ABCA7: variants seen among roughly 807,000 people sequenced by gnomAD.
ABCA7 encodes ATP binding cassette subfamily A member 7.
In ABCA7, 261 loss-of-function variants were observed where a neutral mutation model predicts 227.6. The ratio of observed to expected loss-of-function variants is 1.15; its 90% CI spans 1.04 to 1.27. The LOEUF (loss-of-function observed/expected upper bound fraction) is 1.27. ABCA7 is among the 50% of genes most tolerant of loss of function. The pLI is 0.00. For synonymous variants in ABCA7, 1,488 were observed against 1,279.7 expected (o/e 1.16, Z -3.47); for missense variants, 3,331 against 2,924.5 (o/e 1.14, Z -3.21).
intron 44 of ABCA7, 31 bp downstream of exon 44, chr19:1,063,894 G>A (rs1285326774): frequency 1.3e-6 from 2 of 1,504,252 alleles, no homozygotes; most frequent in Non-Finnish European, 1.8e-6. Flanking sequence ...CTGGGCTGTG[G>A]TTAAGGTGAT....
At chr19:1,055,486 ACCTT>A in intron 30 of ABCA7, 135 bp downstream of exon 30, 1 of 859,156 alleles carries the variant, frequency 1.2e-6, no homozygotes, top group Non-Finnish European at 1.6e-6. Context: ...AGTCTCGCGT[ACCTT>A]CCTTTCCTCT....
At chr19:1,048,503 AAAAAAAC>A (rs1186509708) in intron 16 of ABCA7, among the ~76,000 whole-genome samples, 3 of 129,242 alleles carry the variant, frequency 2.3e-5, no homozygotes, top group Non-Finnish European at 4.9e-5. Context: ...TCTCAAAAAA[AAAAAAAC>A]AAAAAAAAAA....
rs1323988327 is a variant in ABCA7 at position 1,046,916 on chromosome 19, C to G, written c.1737C>G (p.Asp579Glu). Reference sequence around the variant, plus strand: ...GGGAGAAGGAGACGCGGCTGCGGGACACCATGCGCGCCATGGGGCTCAGCC... The same window carrying G: ...GGGAGAAGGAGACGCGGCTGCGGGAGACCATGCGCGCCATGGGGCTCAGCC... Reference protein sequence around the residue: ...VVREKETRLRDTMRAMGLSRA... With the variant: ...VVREKETRLRETMRAMGLSRA... Residue 579 changes from aspartate to glutamate, a missense_variant, in exon 14 of 47, where the codon GAC becomes GAG. Asp to Glu is a conservative substitution (Grantham distance 45). Transcript: ENST00000263094. 6.4e-7 allele frequency: 1 copy of G among 1,554,340 alleles called. No homozygotes were observed. The highest frequency in any genetic ancestry group is 1.9e-5 in the Admixed American group (1 of 51,986).
Position 1,043,657 on chromosome 19 carries a change from G to A in ABCA7, c.931-68G>A, listed in dbSNP as rs2040283879. The A allele has an allele frequency of 7.0e-6, 11 of 1,562,356 alleles. No individual in the cohort carries two copies. The Admixed American group carries it at 1.3e-4, about 19-fold the overall frequency. On this transcript the variant is annotated intron_variant, in intron 9 of 46. Coordinates refer to ENST00000263094, the MANE Select transcript of ABCA7 (RefSeq NM_019112.4). ...AGGCACACGCAGGAGCAAGGCAGAG[G>A]GGGCAGGGGGTGGGCAGGGGTCCTC...
Position 1,041,515 on chromosome 19 carries a change from G to A in ABCA7, c.72G>A (p.Gln24=), listed in dbSNP as rs769974287. Residue 24 remains glutamine (Q), a synonymous_variant, in exon 3 of 47, where the codon CAG becomes CAA. Transcript: ENST00000263094. The part of the protein sequence containing the change: ...NFMYRRRQPV[Q]LLVELLWPLF... ...TCCCACCTATTCTCCCCCAGGTCCA[G>A]CTCCTGGTCGAATTGCTGTGGCCTC... is the stretch of plus-strand genomic sequence containing the variant. 43 of 1,613,638 alleles carry A rather than the reference G, an allele frequency of 2.7e-5. No individual in the cohort carries two copies. Among genetic ancestry groups the A allele is most frequent in the Non-Finnish European group, 3.4e-5 (40 of 1,180,030 alleles).
At position 1,054,448 on chromosome 19, in the gene ABCA7, A is replaced by T. The variant is rs1186023039; in HGVS notation, c.3726+107A>T. ...ACCCTTACCCCCGTGTGTATTCCCA[A>T]CCCAAAGCACATTTATTGAGGGCAC... is the stretch of plus-strand genomic sequence containing the variant. On this transcript the variant is annotated intron_variant, in intron 27 of 46. Transcript: ENST00000263094. The surrounding 1 kb of genome is among the most constrained non-coding windows in gnomAD (Gnocchi z 4.8). The T allele has an allele frequency of 2.6e-6, 4 of 1,553,272 alleles. No homozygotes were observed. Among genetic ancestry groups the T allele is most frequent in the African/African-American group, 1.3e-5 (1 of 74,120 alleles).
rs765181604 is a variant in ABCA7 at position 1,047,343 on chromosome 19, C to T, written c.2032C>T (p.Arg678Trp). Residue 678 changes from arginine (R) to tryptophan (W), a missense_variant, in exon 15 of 47, where the codon CGG becomes TGG. Arg to Trp is a moderately radical substitution (Grantham distance 101). Coordinates refer to ENST00000263094, the MANE Select transcript of ABCA7 (RefSeq NM_019112.4). ...YLPYVLCVAW[R>W]DRLPAGGRVA... ...GCCCTACGTGCTGTGTGTGGCTTGG[C>T]GGGACCGGCTGCCCGCGGGTGGCCG... The T allele has an allele frequency of 1.9e-6, 3 of 1,583,660 alleles. No homozygotes were observed. Among genetic ancestry groups the T allele is most frequent in the African/African-American group, 1.3e-5 (1 of 74,172 alleles).
chr19:1,045,260 A>AGGG, intron 12 of ABCA7, 29 bp downstream of exon 12: 1 of 814,328 alleles, frequency 1.2e-6, no homozygotes, highest in Non-Finnish European at 1.9e-6. Flanking sequence ...CGGGGGGATG[A>AGGG]GGGACTGGGC....
chr19:1,061,932 T>C, intron 41 of ABCA7, 44 bp downstream of exon 41: 1 of 1,521,428 alleles, frequency 6.6e-7, no homozygotes, highest in Admixed American at 2.1e-5. Flanking sequence ...GGGTTGGCCC[T>C]GACGTCCTTG....
rs1599581070 is a variant in ABCA7, at chr19:1,046,090, C to G, written c.1446-140C>G. 1.0e-5 allele frequency: 10 copies of G among 963,494 alleles called. No individual in the cohort carries two copies. In the East Asian group the frequency reaches 2.5e-4, roughly 25 times the overall value. The allele number at this position is 963,494 out of a possible 1,614,324, so 59.7% of individuals were successfully genotyped here. ...ATCGTTTGATCCCGGGAGGTCAAGG[C>G]TGCAGTGAGCTATGATTGCAGCTCT... is the stretch of plus-strand genomic sequence containing the variant. On this transcript the variant is annotated intron_variant, in intron 12 of 46. Transcript: ENST00000263094.
intron 41 of ABCA7, 65 bp downstream of exon 41, chr19:1,061,953 C>T: frequency 6.7e-7 from 1 of 1,482,288 alleles, no homozygotes; most frequent in Non-Finnish European, 9.1e-7. Context: ...TGCTTCCCCA[C>T]CCCTCCACCT....
intron 44 of ABCA7, 85 bp downstream of exon 44, chr19:1,063,948 TG>T: frequency 1.4e-6 from 2 of 1,441,454 alleles, no homozygotes; most frequent in African/African-American, 1.4e-5. Flanking sequence ...CCACAGGGGA[TG>T]GGGGGTCCTG....
rs190558403 is a variant in ABCA7 at position 1,041,066 on chromosome 19, A to C, written c.-137-159A>C. The C allele has an allele frequency of 4.2e-5, 21 of 499,642 alleles. 1 individual carries two copies. The highest frequency in any genetic ancestry group is 4.0e-4 in the Admixed American group (12 of 29,676). 31.0% of individuals were successfully genotyped at this position (499,642 alleles called of 1,614,324 possible). ...TCGGTCCCTGGAGGATTAGAGGATG[A>C]TCTTTAAGTCCCCAGCTGTCAGCCC... On this transcript the variant is annotated intron_variant, in intron 1 of 46. Transcript: ENST00000263094.
At chr19:1,053,019 G>A (rs1403442348) in intron 23 of ABCA7, among the ~76,000 whole-genome samples, 4 of 152,042 alleles carry the variant, frequency 2.6e-5, no homozygotes, top group African/African-American at 7.3e-5. Context: ...TCAGCCTCTC[G>A]AGTAACTGGG....
chr19:1,064,262 G>T lies in ABCA7; in HGVS notation c.6044+9G>T. On this transcript the variant is annotated intron_variant, in intron 45 of 46. Coordinates refer to ENST00000263094, the MANE Select transcript of ABCA7 (RefSeq NM_019112.4). ...CAACATCTCAAGGGCAGGTGAGCCG[G>T]CGCGGCCTCCAGGCAGGTGTGGGGT... 6.4e-7 allele frequency: 1 copy of T among 1,551,840 alleles called. No homozygotes were observed.
Position 1,053,816 on chromosome 19 carries a change from C to G in ABCA7, c.3452C>G (p.Ala1151Gly). Residue 1151 changes from alanine (A) to glycine (G), a missense_variant, in exon 25 of 47, where the codon GCT becomes GGT. Transcript: ENST00000263094. The part of the protein sequence containing the change: ...EIFLKVVEEC[A>G]ADTDMEDGSC... ...TTCCTGAAGGTGGTGGAGGAGTGTG[C>G]TGCGGACACAGATATGGAGGGTGCG... is the stretch of plus-strand genomic sequence containing the variant. 21 of 1,612,200 alleles carry G rather than the reference C, an allele frequency of 1.3e-5. No homozygotes were observed. The highest frequency in any genetic ancestry group is 1.8e-5 in the Non-Finnish European group (21 of 1,178,866).
chr19:1,061,822 C>G lies in ABCA7; in HGVS notation c.5504C>G (p.Ser1835Cys), dbSNP rs904714633. 2.4e-5 allele frequency: 38 copies of G among 1,611,152 alleles called. No individual in the cohort carries two copies. The highest frequency in any genetic ancestry group is 3.2e-5 in the Non-Finnish European group (38 of 1,178,954). The change falls in exon 41 of 47, where the codon TCC (serine) becomes TGC (cysteine). Residue 1835 changes from serine to cysteine, a missense_variant. Transcript: ENST00000263094. ...GGTGTGAATGGAGCAGGGAAGACGT[C>G]CACGTTTCGCATGGTGACGGGGGAC... ...LLGVNGAGKT[S>C]TFRMVTGDTL... is the part of the protein sequence containing the mutation.
chr19:1,046,363 C>G lies in ABCA7; in HGVS notation c.1579C>G (p.Leu527Val). The change falls in exon 13 of 47, where the codon CTC (leucine) becomes GTC (valine). Residue 527 changes from leucine (L) to valine (V), a missense_variant. Physicochemically the swap from Leu to Val is conservative, Grantham distance 32. Coordinates refer to ENST00000263094, the MANE Select transcript of ABCA7 (RefSeq NM_019112.4). Reference protein sequence around the residue: ...VLSGANPRAGLYLQQMPYPCY... With the variant: ...VLSGANPRAGVYLQQMPYPCY... Reference sequence around the variant, plus strand: ...CAGCGGCGCCAACCCCCGGGCCGGCCTCTACCTGCAGCAGATGCCCTATCC... The same window carrying G: ...CAGCGGCGCCAACCCCCGGGCCGGCGTCTACCTGCAGCAGATGCCCTATCC... 6.3e-7 allele frequency: 1 copy of G among 1,594,512 alleles called. No individual in the cohort carries two copies. The highest frequency in any genetic ancestry group is 8.5e-7 in the Non-Finnish European group (1 of 1,174,466).
At position 1,061,390 on chromosome 19, in the gene ABCA7, C is replaced by CAAAAAAAAAAAAAA. The variant is rs978850571; in HGVS notation, c.5464-383_5464-370dup. Among the ~76,000 whole-genome samples, 29 of 36,900 alleles carry CAAAAAAAAAAAAAA rather than the reference C, an allele frequency of 7.9e-4. 1 individual carries two copies. Among genetic ancestry groups the CAAAAAAAAAAAAAA allele is most frequent in the African/African-American group, 4.0e-3 (28 of 7,064 alleles). The allele number at this position is 36,900 out of a possible 152,430, so 24.2% of individuals were successfully genotyped here. On this transcript the variant is annotated intron_variant, in intron 40 of 46. Transcript: ENST00000263094. Reference sequence around the variant, plus strand: ...GGGGTGACACAGCAAGGCTCCGTCTCAAAAAAAAAAAAAAAAAAAAAAGAG... The same window carrying CAAAAAAAAAAAAAA: ...GGGGTGACACAGCAAGGCTCCGTCTCAAAAAAAAAAAAAAAAAAAAAAAAAAAAAAAAAAAAGAG...
Sources: gnomAD v4.1 joint callset for allele counts (sites outside exome capture counted in the v4.1 genomes callset) on GRCh38, gnomAD v4.1.1 for gene constraint, Gnocchi (gnomAD v3.1) non-coding constraint, MANE v1.5 for transcripts, NCBI Gene and HGNC (gene_info 2026-07-23, HGNC 2026-07-21) for gene names.